Variants in NELL1 observed in about 807,000 individuals in gnomAD.
The protein encoded by NELL1 is neural EGFL like 1, also known as protein kinase C-binding protein NELL1.
NELL1 carries 76 observed loss-of-function variants against 107.4 expected under a neutral mutation model. That is an observed-to-expected ratio of 0.71 (90% CI 0.59 to 0.86). NELL1 has a LOEUF of 0.86. Ranked by LOEUF, NELL1 falls within the 40% of genes least tolerant of loss-of-function variation. The pLI is 0.00. For synonymous variants in NELL1, 353 were observed against 341.2 expected (o/e 1.03, Z -0.38); for missense variants, 1,024 against 1,005.5 (o/e 1.02, Z -0.25).
intron 14 of NELL1, among the ~76,000 whole-genome samples, chr11:21,332,824 G>A (rs926291909): frequency 6.6e-6 from 1 of 151,818 alleles, no homozygotes; most frequent in Non-Finnish European, 1.5e-5. Flanking sequence ...TCCAACTAGA[G>A]AACAAACATT....
chr11:21,307,332 T>TTG (rs199714466), intron 14 of NELL1, among the ~76,000 whole-genome samples: 22 of 151,296 alleles, frequency 1.5e-4, no homozygotes, highest in East Asian at 7.8e-4. Context: ...GTGTGTGTGT[T>TTG]TGTGTGTGTG....
chr11:21,375,224 T>C (rs1012031609), intron 15 of NELL1, among the ~76,000 whole-genome samples: 1 of 152,028 alleles, frequency 6.6e-6, no homozygotes, highest in Non-Finnish European at 1.5e-5. Flanking sequence ...ACTCTAGTCG[T>C]TCCCAGTTTC....
intron 15 of NELL1, among the ~76,000 whole-genome samples, chr11:21,374,440 A>C (rs1478574171): frequency 6.6e-6 from 1 of 151,990 alleles, no homozygotes; most frequent in African/African-American, 2.4e-5. Context: ...TAACATGGCC[A>C]CTGGAATCCT....
chr11:21,281,744 A>C (rs1848999490), intron 14 of NELL1, among the ~76,000 whole-genome samples: 1 of 152,154 alleles, frequency 6.6e-6, no homozygotes, highest in African/African-American at 2.4e-5. Context: ...AGAGAAGAAG[A>C]GTCTCTGCAT....
rs10525326 is a variant in NELL1 at position 21,264,071 on chromosome 11, G to GGTGT, written c.1549+34640_1549+34643dup. ...TTAGATGTCTGAAAGTCTACAATGGGGTGTGTGTGTGTGTGTGTGTGTGTG... is the reference window on the plus strand; with the variant it reads ...TTAGATGTCTGAAAGTCTACAATGGGGTGTGTGTGTGTGTGTGTGTGTGTGTGTG... On this transcript the variant is annotated intron_variant, in intron 14 of 19. Coordinates refer to ENST00000357134, the MANE Select transcript of NELL1 (RefSeq NM_006157.5). Among the ~76,000 whole-genome samples, 307 of 139,526 alleles carry GGTGT rather than the reference G, an allele frequency of 2.2e-3. 2 individuals carry two copies. Among genetic ancestry groups the GGTGT allele is most frequent in the Middle Eastern group, 7.3e-3 (2 of 274 alleles). 91.5% of individuals were successfully genotyped at this position (139,526 alleles called of 152,430 possible).
intron 17 of NELL1, among the ~76,000 whole-genome samples, chr11:21,570,156 G>A (rs1474849910): frequency 6.6e-6 from 1 of 151,794 alleles, no homozygotes; most frequent in African/African-American, 2.4e-5. Flanking sequence ...GTGGAAAGAG[G>A]CACCTTATTA....
At chr11:21,190,044 G>A (rs1214461005) in intron 13 of NELL1, among the ~76,000 whole-genome samples, 2 of 151,694 alleles carry the variant, frequency 1.3e-5, no homozygotes, top group African/African-American at 2.4e-5. Context: ...CACCCAGAGA[G>A]TTTATTTAGA....
chr11:21,534,944 T>G (rs1856097915), intron 16 of NELL1, among the ~76,000 whole-genome samples: 2 of 152,154 alleles, frequency 1.3e-5, no homozygotes, highest in Admixed American at 1.3e-4. Flanking sequence ...GTCACTATAG[T>G]CTCTAATCCT....
intron 14 of NELL1, among the ~76,000 whole-genome samples, chr11:21,234,445 C>G (rs73452277): frequency 0.048 from 7,335 of 152,214 alleles, 578 homozygotes; most frequent in African/African-American, 0.16. Context: ...TTCTCACTCC[C>G]TGACCAGTGC....
intron 15 of NELL1, among the ~76,000 whole-genome samples, chr11:21,393,453 G>A (rs1233739377): frequency 3.3e-5 from 5 of 151,648 alleles, no homozygotes; most frequent in Non-Finnish European, 7.4e-5. Context: ...ATAGAAAACA[G>A]TAAAGCTAAA....
chr11:21,085,101 T>C (rs1372610485), intron 12 of NELL1, among the ~76,000 whole-genome samples: 2 of 152,146 alleles, frequency 1.3e-5, no homozygotes, highest in Non-Finnish European at 2.9e-5. Context: ...ATGTTAACTA[T>C]TATTTCTGTG....
intron 2 of NELL1, among the ~76,000 whole-genome samples, chr11:20,694,547 G>T (rs1040685092): frequency 1.3e-5 from 2 of 151,896 alleles, no homozygotes; most frequent in African/African-American, 4.8e-5. Flanking sequence ...ACTTATCTTT[G>T]TCCATTTAGT....
intron 14 of NELL1, among the ~76,000 whole-genome samples, chr11:21,368,355 G>A (rs11026049): frequency 5.0e-5 from 6 of 118,846 alleles, no homozygotes; most frequent in Non-Finnish European, 1.0e-4. Context: ...TTAGGCATTG[G>A]TTTTTTTTTT....
At chr11:21,078,724 A>G (rs1338595947) in intron 12 of NELL1, among the ~76,000 whole-genome samples, 5 of 152,100 alleles carry the variant, frequency 3.3e-5, no homozygotes, top group Non-Finnish European at 5.9e-5. Flanking sequence ...CCTGCAATAT[A>G]TGAGAGAAGG....
intron 3 of NELL1, among the ~76,000 whole-genome samples, chr11:20,820,064 G>A (rs1050082602): frequency 6.6e-6 from 1 of 152,156 alleles, no homozygotes; most frequent in Non-Finnish European, 1.5e-5. Flanking sequence ...AGTTTTGAAG[G>A]CTGGTTTTAT....
intron 16 of NELL1, among the ~76,000 whole-genome samples, chr11:21,549,970 T>A (rs58907183): frequency 0.12 from 18,741 of 151,770 alleles, 1,205 homozygotes; most frequent in Middle Eastern, 0.18. Flanking sequence ...AAGTGGAATT[T>A]ACAAAAAGCT....
At chr11:21,561,048 T>C (rs1201018591) in intron 17 of NELL1, among the ~76,000 whole-genome samples, 1 of 152,146 alleles carries the variant, frequency 6.6e-6, no homozygotes, top group East Asian at 1.9e-4. Context: ...CTCTTTGTGC[T>C]TTATTTCTTC....
chr11:20,723,527 G>T (rs11025709), intron 2 of NELL1, among the ~76,000 whole-genome samples: 9,947 of 152,280 alleles, frequency 0.065, 423 homozygotes, highest in Middle Eastern at 0.19. Flanking sequence ...GATACAACAG[G>T]TGGGTTCCCA....
At chr11:21,309,288 A>G (rs942606334) in intron 14 of NELL1, among the ~76,000 whole-genome samples, 14 of 117,312 alleles carry the variant, frequency 1.2e-4, no homozygotes, top group Middle Eastern at 9.4e-3. Context: ...ATGTATATAT[A>G]TATATATATA....
Sources: gnomAD v4.1 joint callset for allele counts (sites outside exome capture counted in the v4.1 genomes callset) on GRCh38, gnomAD v4.1.1 for gene constraint, MANE v1.5 for transcripts, NCBI Gene and HGNC (gene_info 2026-07-23, HGNC 2026-07-21) for gene names.